OAS3: variants seen among roughly 807,000 people sequenced by gnomAD.
The protein encoded by OAS3 is 2'-5'-oligoadenylate synthetase 3.
A neutral mutation model predicts 113.0 loss-of-function variants in OAS3; 107 were observed. The ratio of observed to expected loss-of-function variants is 0.95; its 90% CI spans 0.81 to 1.11. The LOEUF is 1.11. Among genes scored for constraint, OAS3 ranks in the 50% most tolerant of loss-of-function variants. The pLI is 0.00. For synonymous variants in OAS3, 552 were observed against 573.6 expected (o/e 0.96, Z 0.54); for missense variants, 1,258 against 1,389.1 (o/e 0.91, Z 1.50).
intron 2 of OAS3, among the ~76,000 whole-genome samples, chr12:112,943,684 T>C (rs533511181): frequency 4.3e-4 from 66 of 152,292 alleles, no homozygotes; most frequent in African/African-American, 1.4e-3. Flanking sequence ...TGTAAAGACC[T>C]TCTGTCCAGT....
At position 112,941,667 on chromosome 12, in the gene OAS3, C is replaced by T. The variant is rs369476665; in HGVS notation, c.275C>T (p.Ala92Val). 2.5e-6 allele frequency: 4 copies of T among 1,613,932 alleles called. No homozygotes were observed. The African/African-American group carries it at 5.3e-5, about 22-fold the overall frequency. ...TTCAAGAGCTATGTGGACCAGAGGGCCCGCCGTGCAGAGATCCTCAGTGAG... is the reference window on the plus strand; with the variant it reads ...TTCAAGAGCTATGTGGACCAGAGGGTCCGCCGTGCAGAGATCCTCAGTGAG... ...DCFKSYVDQR[A>V]RRAEILSEMR... The change falls in exon 2 of 16, where the codon GCC becomes GTC. Residue 92 changes from alanine to valine, a missense_variant. By Grantham distance (64) the Ala-to-Val change is moderately conservative. Coordinates refer to ENST00000228928, the MANE Select transcript of OAS3 (RefSeq NM_006187.4).
intron 4 of OAS3, 48 bp downstream of exon 4, chr12:112,947,029 G>T: frequency 6.6e-7 from 1 of 1,514,870 alleles, no homozygotes. Context: ...GGGGCCAGGG[G>T]GAGATAATTG....
chr12:112,949,637 G>GCT (rs372951571), intron 6 of OAS3, among the ~76,000 whole-genome samples: 5 of 151,630 alleles, frequency 3.3e-5, no homozygotes, highest in Non-Finnish European at 5.9e-5. Context: ...CAACCATTTG[G>GCT]CTCTCTCTCT....
Position 112,950,782 on chromosome 12 carries a change from C to T in OAS3, c.1464C>T (p.Asp488=), listed in dbSNP as rs762057791. The part of the protein sequence containing the change: ...IFLNCFTDYK[D]QGPRRAEILD... ...TCAACTGCTTCACGGACTACAAGGA[C>T]CAGGGGCCCCGCCGCGCAGAGATCC... is the stretch of plus-strand genomic sequence containing the variant. Residue 488 remains aspartate, a synonymous_variant, in exon 7 of 16, where the codon GAC becomes GAT. Coordinates refer to ENST00000228928, the MANE Select transcript of OAS3 (RefSeq NM_006187.4). 1.9e-6 allele frequency: 3 copies of T among 1,614,018 alleles called. No individual in the cohort carries two copies. In the South Asian group the frequency reaches 3.3e-5, roughly 18 times the overall value.
intron 7 of OAS3, among the ~76,000 whole-genome samples, chr12:112,956,471 T>C (rs1384383435): frequency 2.0e-5 from 3 of 152,224 alleles, no homozygotes; most frequent in Non-Finnish European, 4.4e-5. Context: ...CCTGTGGTCA[T>C]TTAATGCTAT....
At chr12:112,946,101 C>A (rs915128438) in intron 3 of OAS3, among the ~76,000 whole-genome samples, 9 of 152,076 alleles carry the variant, frequency 5.9e-5, no homozygotes, top group Non-Finnish European at 1.3e-4. Context: ...ATGTTTGTCA[C>A]CCCAGAGAGA....
chr12:112,952,618 G>A (rs1018840561), intron 7 of OAS3, among the ~76,000 whole-genome samples: 13 of 152,120 alleles, frequency 8.5e-5, no homozygotes, highest in African/African-American at 2.6e-4. Flanking sequence ...TTGATTTCCT[G>A]TTCTTCCTTC....
rs1219645081 is a variant in OAS3, at chr12:112,949,070, C to G, written c.1239C>G (p.Thr413=). Reference sequence around the variant, plus strand: ...CCTTGGACCTGTCTCAGATCCCCACCAAGGAGCTGGACCGCTTCATCCAGG... The same window carrying G: ...CCTTGGACCTGTCTCAGATCCCCACGAAGGAGCTGGACCGCTTCATCCAGG... ...GMALDLSQIP[T]KELDRFIQDH... The change falls in exon 6 of 16, where the codon ACC becomes ACG. Residue 413 remains threonine, a synonymous_variant. Coordinates refer to ENST00000228928, the MANE Select transcript of OAS3 (RefSeq NM_006187.4). The G allele has an allele frequency of 3.7e-6, 6 of 1,614,038 alleles. No individual in the cohort carries two copies. In the South Asian group the frequency reaches 6.6e-5, roughly 18 times the overall value.
chr12:112,946,202 C>T (rs1193927366), intron 3 of OAS3, among the ~76,000 whole-genome samples: 2 of 152,062 alleles, frequency 1.3e-5, no homozygotes, highest in African/African-American at 2.4e-5. Flanking sequence ...CTGGAGTTAC[C>T]CAGAGGCCTG....
At chr12:112,958,820 C>T (rs568284725) in intron 7 of OAS3, among the ~76,000 whole-genome samples, 16 of 152,356 alleles carry the variant, frequency 1.1e-4, no homozygotes, top group South Asian at 4.1e-4. Context: ...GCAGTCTGTC[C>T]GTTCTCAGAT....
At chr12:112,969,408 G>A (rs1467696494) in intron 14 of OAS3, 200 bp from the exon 15 acceptor site, 2 of 621,170 alleles carry the variant, frequency 3.2e-6, no homozygotes, top group Non-Finnish European at 5.7e-6. Context: ...ATGTTTGCCT[G>A]AATGCAGAAT....
Position 112,962,832 on chromosome 12 carries a change from T to G in OAS3, c.2014T>G (p.Trp672Gly). ...VQQHQQLCVY[W>G]TVNYSTEDPA... ...ACAGCATCAGCAGCTCTGTGTCTAC[T>G]GGACGGTCAACTATAGCACTGAGGA... The change falls in exon 9 of 16, where the codon TGG becomes GGG. Residue 672 changes from tryptophan (W) to glycine (G), a missense_variant. By Grantham distance (184) the Trp-to-Gly change is radical. Transcript: ENST00000228928. The G allele has an allele frequency of 6.2e-7, 1 of 1,614,084 alleles. No individual in the cohort carries two copies. Among genetic ancestry groups the G allele is most frequent in the Non-Finnish European group, 8.5e-7 (1 of 1,179,904 alleles).
At position 112,948,986 on chromosome 12, in the gene OAS3, A is replaced by G. The variant is rs2043761848; in HGVS notation, c.1155A>G (p.Ser385=). Residue 385 remains serine, a synonymous_variant, in exon 6 of 16, where the codon TCA becomes TCG. Transcript: ENST00000228928. ...CAAGAGCAGGGAGCAAACCTCCCTC[A>G]TGCCCAGCTCCTGGCCCCACTGGGG... ...VYPRAGSKPP[S]CPAPGPTGAA... 6.2e-7 allele frequency: 1 copy of G among 1,613,866 alleles called. No individual in the cohort carries two copies. Among genetic ancestry groups the G allele is most frequent in the African/African-American group, 1.3e-5 (1 of 74,930 alleles).
chr12:112,972,773 C>T lies in OAS3; in HGVS notation c.*2800C>T, dbSNP rs2043996263. The T allele has an allele frequency of 6.6e-6, 1 of 152,108 alleles. No homozygotes were observed. The highest frequency in any genetic ancestry group is 2.4e-5 in the African/African-American group (1 of 41,396). 9.4% of individuals were successfully genotyped at this position (152,108 alleles called of 1,614,324 possible). A position where few individuals can be genotyped will look rare whatever the true frequency, so the allele number is the denominator to read the frequency against. On this transcript the variant is annotated 3_prime_UTR_variant, in exon 16 of 16. Transcript: ENST00000228928. ...AAGCTAAGTGAGAGAGCCAGAGGGC[C>T]TCCTTGGTGGTAAAAGAGGGTTGCA...
At chr12:112,952,119 A>G (rs1235607390) in intron 7 of OAS3, among the ~76,000 whole-genome samples, 1 of 152,198 alleles carries the variant, frequency 6.6e-6, no homozygotes, top group African/African-American at 2.4e-5. Context: ...TGAGTAAAAT[A>G]TCTTAAAATC....
At chr12:112,943,318 A>G (rs1478120839) in intron 2 of OAS3, among the ~76,000 whole-genome samples, 1 of 152,178 alleles carries the variant, frequency 6.6e-6, no homozygotes, top group Non-Finnish European at 1.5e-5. Context: ...TATCTCATCA[A>G]TTCTTCACAA....
intron 6 of OAS3, among the ~76,000 whole-genome samples, chr12:112,950,045 A>G (rs981275241): frequency 3.9e-5 from 6 of 152,216 alleles, no homozygotes; most frequent in Middle Eastern, 6.8e-3. Flanking sequence ...TAAAAATAAA[A>G]TTGCAGTCTT....
chr12:112,950,135 C>T (rs1421011760), intron 6 of OAS3, among the ~76,000 whole-genome samples: 1 of 152,222 alleles, frequency 6.6e-6, no homozygotes, highest in Non-Finnish European at 1.5e-5. Context: ...TCCCTTCCTT[C>T]CCTCCCCCAG....
intron 9 of OAS3, 45 bp downstream of exon 9, chr12:112,962,947 C>T: frequency 6.2e-7 from 1 of 1,605,488 alleles, no homozygotes; most frequent in East Asian, 2.2e-5. Context: ...TCCTCCCCCT[C>T]CCCACTGTCA....
Sources: gnomAD v4.1 joint callset for allele counts (sites outside exome capture counted in the v4.1 genomes callset) on GRCh38, gnomAD v4.1.1 for gene constraint, MANE v1.5 for transcripts, NCBI Gene and HGNC (gene_info 2026-07-23, HGNC 2026-07-21) for gene names.